AQP9: variants seen among roughly 807,000 people sequenced by gnomAD.
AQP9 encodes the protein aquaporin 9, also known as aquaporin-9.
In AQP9, 19 loss-of-function variants were observed where a neutral mutation model predicts 23.8. That is an observed-to-expected ratio of 0.80 (90% CI 0.56 to 1.17). The LOEUF (loss-of-function observed/expected upper bound fraction) is 1.17, where lower values mean the gene tolerates loss of function less well. AQP9 is among the 50% of genes most tolerant of loss of function. The probability of loss-of-function intolerance (pLI) is 0.00; values close to 1 mark genes in which losing one functional copy is unlikely to be tolerated. For missense variants in AQP9, 413 were observed against 362.0 expected, an observed-to-expected ratio of 1.14 and a Z score of -1.14; for synonymous variants, 153 against 131.5, an observed-to-expected ratio of 1.16 and a Z score of -1.12.
chr15:58,167,623 C>G (rs1035096175), intron 2 of AQP9, among the ~76,000 whole-genome samples: 3 of 152,196 alleles, frequency 2.0e-5, no homozygotes, highest in Admixed American at 2.0e-4. Context: ...TAAGTGGAAG[C>G]CCTGCAGCTG....
chr15:58,153,336 A>C (rs535470113), intron 1 of AQP9: 1 of 152,066 alleles, frequency 6.6e-6, no homozygotes, highest in East Asian at 1.9e-4. Context: ...TTTCAGCCCT[A>C]CTCCACTCTA....
chr15:58,176,883 A>G (rs1489428507), intron 4 of AQP9, among the ~76,000 whole-genome samples: 3 of 152,118 alleles, frequency 2.0e-5, no homozygotes, highest in African/African-American at 7.2e-5. Flanking sequence ...CTGTATCTTG[A>G]TCAATGCTGA....
At position 58,175,051 on chromosome 15, in the gene AQP9, A is replaced by C; in HGVS notation, c.495+15A>C. On this transcript the variant is annotated intron_variant, in intron 4 of 5. Coordinates refer to ENST00000219919, the MANE Select transcript of AQP9 (RefSeq NM_020980.5). ...TTGCAGATCAAGTAAGTGTAGATTC[A>C]ACAAAGACTTAACTTTGGTGAAAAG... 1 of 1,590,162 alleles carries C rather than the reference A, an allele frequency of 6.3e-7. No individual in the cohort carries two copies. The highest frequency in any genetic ancestry group is 2.2e-5 in the East Asian group (1 of 44,742).
intron 1 of AQP9, chr15:58,164,252 C>T (rs1454808242): frequency 6.6e-6 from 1 of 152,166 alleles, no homozygotes; most frequent in Non-Finnish European, 1.5e-5. Context: ...TAGACTGGAA[C>T]AAGTGCATGT....
chr15:58,147,723 T>G lies in AQP9; in HGVS notation c.111+9047T>G, dbSNP rs541400245. Among the ~76,000 whole-genome samples, 22 of 152,250 alleles carry G rather than the reference T, an allele frequency of 1.4e-4. 1 individual carries two copies. The South Asian group carries it at 3.9e-3, about 27-fold the overall frequency. On this transcript the variant is annotated intron_variant, in intron 1 of 5. Transcript: ENST00000219919. ...GTACCTCCCGAAAACCCTATGCTTC[T>G]ATCAACAGGTGATTGGTTAAAAAAA...
chr15:58,168,141 A>G (rs1324554044), intron 2 of AQP9, among the ~76,000 whole-genome samples: 1 of 151,378 alleles, frequency 6.6e-6, no homozygotes, highest in African/African-American at 2.4e-5. Context: ...ACCTTCTGCC[A>G]CCTCAGCCTT....
chr15:58,169,972 AG>A (rs1263784176), intron 2 of AQP9, among the ~76,000 whole-genome samples: 1 of 152,168 alleles, frequency 6.6e-6, no homozygotes, highest in Admixed American at 6.5e-5. Context: ...AGAACACTGA[AG>A]GGGTTCCCTC....
chr15:58,156,213 A>G (rs192847639), intron 1 of AQP9, among the ~76,000 whole-genome samples: 1 of 152,320 alleles, frequency 6.6e-6, no homozygotes, highest in East Asian at 1.9e-4. Flanking sequence ...TACGTTTTTC[A>G]GCACACACTT....
At chr15:58,141,287 T>C (rs1191102755) in intron 1 of AQP9, among the ~76,000 whole-genome samples, 1 of 152,214 alleles carries the variant, frequency 6.6e-6, no homozygotes, top group African/African-American at 2.4e-5. Context: ...GCTCATCTTA[T>C]TGAAGATGCT....
intron 1 of AQP9, among the ~76,000 whole-genome samples, chr15:58,165,091 C>A (rs2140615526): frequency 6.6e-6 from 1 of 152,210 alleles, no homozygotes; most frequent in Non-Finnish European, 1.5e-5. Context: ...AATGCCAAGC[C>A]CTCCCTCAAG....
In AQP9 at chr15:58,175,025, T is replaced by G. The variant is rs530907694; in HGVS notation, c.484T>G (p.Phe162Val). The G allele has an allele frequency of 6.2e-7, 1 of 1,612,876 alleles. No individual in the cohort carries two copies. ...TCCGTATCTATCTCTGGCGAACGCATTTGCAGATCAAGTAAGTGTAGATTC... is the reference window on the plus strand; with the variant it reads ...TCCGTATCTATCTCTGGCGAACGCAGTTGCAGATCAAGTAAGTGTAGATTC... ...PAPYLSLANA[F>V]ADQVVATMIL... Residue 162 changes from phenylalanine (F) to valine (V), a missense_variant, in exon 4 of 6, where the codon TTT becomes GTT. Coordinates refer to ENST00000219919, the MANE Select transcript of AQP9 (RefSeq NM_020980.5).
At chr15:58,162,251 C>T (rs536563600) in intron 1 of AQP9, among the ~76,000 whole-genome samples, 35 of 152,292 alleles carry the variant, frequency 2.3e-4, no homozygotes, top group African/African-American at 7.2e-4. Context: ...TCCGAGGAGA[C>T]GCAGAGATCA....
chr15:58,168,720 TG>T (rs1436796709), intron 2 of AQP9, among the ~76,000 whole-genome samples: 1 of 152,190 alleles, frequency 6.6e-6, no homozygotes, highest in Non-Finnish European at 1.5e-5. Context: ...GTCCAGCTTT[TG>T]CTGTGATCCC....
chr15:58,159,635 A>G (rs564071702), intron 1 of AQP9, among the ~76,000 whole-genome samples: 4 of 152,296 alleles, frequency 2.6e-5, no homozygotes, highest in Admixed American at 1.3e-4. Context: ...GTATATTTTT[A>G]CCTATTAATC....
Position 58,173,058 on chromosome 15 carries a change from T to A in AQP9, c.239-10T>A, listed in dbSNP as rs1898657262. The A allele has an allele frequency of 6.2e-7, 1 of 1,613,686 alleles. No individual in the cohort carries two copies. Among genetic ancestry groups the A allele is most frequent in the South Asian group, 1.1e-5 (1 of 91,068 alleles). ...ACCTGCCCTCTCACTTCTCCAATCT[T>A]CCCTTGCAGGTGGTCACATCAACCC... On this transcript the variant is annotated splice_polypyrimidine_tract_variant and intron_variant, in intron 2 of 5. Coordinates refer to ENST00000219919, the MANE Select transcript of AQP9 (RefSeq NM_020980.5).
intron 2 of AQP9, among the ~76,000 whole-genome samples, chr15:58,171,767 G>A (rs1898628042): frequency 6.6e-6 from 1 of 152,100 alleles, no homozygotes; most frequent in Non-Finnish European, 1.5e-5. Flanking sequence ...CTTGGAAAAA[G>A]CATAGCTTTC....
At chr15:58,156,072 T>G (rs1898252348) in intron 1 of AQP9, 1 of 152,170 alleles carries the variant, frequency 6.6e-6, no homozygotes. Context: ...AAACTGCCCT[T>G]GTAGTATAAC....
intron 2 of AQP9, among the ~76,000 whole-genome samples, chr15:58,171,223 G>T (rs1595741582): frequency 6.6e-6 from 1 of 152,218 alleles, no homozygotes; most frequent in East Asian, 1.9e-4. Context: ...GAGTAGCTGG[G>T]AATGCAGGTG....
chr15:58,173,093 T>C lies in AQP9; in HGVS notation c.264T>C (p.Ser88=), dbSNP rs779972412. ...GTGGTCACATCAACCCAGCTGTGTC[T>C]TTAGCAATGTGTCTCTTTGGACGGA... is the stretch of plus-strand genomic sequence containing the variant. The part of the protein sequence containing the change: ...VSGGHINPAV[S]LAMCLFGRMK... Residue 88 remains serine, a synonymous_variant, in exon 3 of 6, where the codon TCT becomes TCC. Transcript: ENST00000219919. 15 of 1,614,218 alleles carry C rather than the reference T, an allele frequency of 9.3e-6. No homozygotes were observed. The highest frequency in any genetic ancestry group is 5.9e-6 in the Non-Finnish European group (7 of 1,180,022).
Sources: allele counts gnomAD v4.1 joint callset (sites outside exome capture counted in the v4.1 genomes callset), GRCh38; gene constraint gnomAD v4.1.1; transcripts MANE v1.5; gene names NCBI Gene and HGNC (gene_info 2026-07-23, HGNC 2026-07-21).